The following GPHN variants were observed in gnomAD, a reference collection of about 807,000 sequenced individuals.
GPHN encodes gephyrin.
In GPHN, 17 loss-of-function variants were observed where a neutral mutation model predicts 95.5. That is an observed-to-expected ratio of 0.18 (90% CI 0.12 to 0.27). GPHN has a LOEUF of 0.27. GPHN is among the 10% of genes least tolerant of loss of function. The pLI is 1.00. For missense variants in GPHN, 660 were observed against 978.1 expected, an observed-to-expected ratio of 0.67 and a Z score of 4.34; for synonymous variants, 320 against 322.5, an observed-to-expected ratio of 0.99 and a Z score of 0.08.
intron 1 of GPHN, among the ~76,000 whole-genome samples, chr14:66,611,404 A>C (rs1270755204): frequency 4.6e-5 from 7 of 152,146 alleles, no homozygotes; most frequent in Non-Finnish European, 1.0e-4. Flanking sequence ...TTTTAAGAGC[A>C]TTTCTGTAGA....
chr14:66,537,632 C>T (rs1173793769), intron 1 of GPHN, among the ~76,000 whole-genome samples: 1 of 152,024 alleles, frequency 6.6e-6, no homozygotes, highest in Admixed American at 6.6e-5. Flanking sequence ...CATGTGTACC[C>T]TTTCTAATGC....
At chr14:66,793,877 T>A (rs568394028) in intron 3 of GPHN, among the ~76,000 whole-genome samples, 11 of 152,182 alleles carry the variant, frequency 7.2e-5, no homozygotes, top group Admixed American at 2.0e-4. Flanking sequence ...AAGGAACTAA[T>A]AAGAGACATA....
chr14:67,693,095 G>C, the GPHN span: 1 of 1,388,558 alleles, frequency 7.2e-7, no homozygotes, highest in Non-Finnish European at 1.0e-6. Flanking sequence ...TCATTCTACT[G>C]TCTCAGCCAG....
At chr14:67,528,795 G>GA in the GPHN span, among the ~76,000 whole-genome samples, 1 of 152,254 alleles carries the variant, frequency 6.6e-6, no homozygotes, top group East Asian at 1.9e-4. Flanking sequence ...TGCTCTCTGA[G>GA]AAAAATCACT....
chr14:67,709,854 G>A, the GPHN span, among the ~76,000 whole-genome samples: 1 of 152,030 alleles, frequency 6.6e-6, no homozygotes, highest in African/African-American at 2.4e-5. Context: ...GAAATATCTT[G>A]GGCCCCCAAA....
chr14:67,543,322 A>T, the GPHN span, among the ~76,000 whole-genome samples: 1 of 152,308 alleles, frequency 6.6e-6, no homozygotes, highest in Admixed American at 6.5e-5. Context: ...ACTAGTCTGG[A>T]CTAGAACTCT....
intron 1 of GPHN, among the ~76,000 whole-genome samples, chr14:66,591,337 A>G (rs1407500169): frequency 6.6e-6 from 1 of 152,220 alleles, no homozygotes; most frequent in Non-Finnish European, 1.5e-5. Context: ...AATAAAGGGT[A>G]TTCAAATAGG....
At chr14:67,161,932 A>C (rs2082003966) in intron 19 of GPHN, among the ~76,000 whole-genome samples, 3 of 152,302 alleles carry the variant, frequency 2.0e-5, no homozygotes, top group South Asian at 2.1e-4. Context: ...CAACTTTAGC[A>C]GTTCATCAAT....
In GPHN at chr14:67,110,976, G is replaced by C. The variant is rs1174051242; in HGVS notation, c.1413+717G>C. ...AGAGTATAAGCCAGTAATAAAAGTA[G>C]AATAGATTCAACTGAGGTTTTAATA... On this transcript the variant is annotated intron_variant, in intron 14 of 22. Transcript: ENST00000478722. Among the ~76,000 whole-genome samples, 13 of 152,290 alleles carry C rather than the reference G, an allele frequency of 8.5e-5. No individual in the cohort carries two copies. In the East Asian group the frequency reaches 2.3e-3, roughly 27 times the overall value.
the GPHN span, among the ~76,000 whole-genome samples, chr14:67,600,784 G>T: frequency 9.2e-5 from 14 of 152,276 alleles, no homozygotes; most frequent in East Asian, 2.7e-3. Context: ...TCACCATGTT[G>T]GCCAGGTTGG....
At chr14:66,596,596 T>C (rs2061982765) in intron 1 of GPHN, among the ~76,000 whole-genome samples, 1 of 152,188 alleles carries the variant, frequency 6.6e-6, no homozygotes, top group Non-Finnish European at 1.5e-5. Flanking sequence ...CCTGGCTGAT[T>C]CATGACAGTG....
the GPHN span, among the ~76,000 whole-genome samples, chr14:67,699,608 A>AAAAAG: frequency 1.3e-5 from 2 of 149,936 alleles, no homozygotes; most frequent in African/African-American, 2.4e-5. Flanking sequence ...AAAAAAAAAA[A>AAAAAG]AAAAGAAACA....
At chr14:67,333,837 TGCTAATA>T in the GPHN span, 1 of 152,628 alleles carries the variant, frequency 6.6e-6, no homozygotes, top group Admixed American at 6.5e-5. Flanking sequence ...TTCCTCATGA[TGCTAATA>T]GTTTTTTGTA....
chr14:67,513,933 A>G, the GPHN span, among the ~76,000 whole-genome samples: 1 of 152,170 alleles, frequency 6.6e-6, no homozygotes, highest in Admixed American at 6.5e-5. Flanking sequence ...TTTGTTTTCT[A>G]GAGAGAAAGA....
chr14:67,195,638 G>T, the GPHN span, among the ~76,000 whole-genome samples: 4 of 151,708 alleles, frequency 2.6e-5, no homozygotes, highest in Non-Finnish European at 5.9e-5. Flanking sequence ...CCAATTATAA[G>T]ATATATTATT....
intron 10 of GPHN, among the ~76,000 whole-genome samples, chr14:67,040,618 C>G (rs975424286): frequency 3.3e-5 from 5 of 152,136 alleles, no homozygotes; most frequent in Admixed American, 3.3e-4. Context: ...TCTCTGTAGA[C>G]TCCTTTAATA....
chr14:67,462,858 G>C, the GPHN span, among the ~76,000 whole-genome samples: 3 of 152,170 alleles, frequency 2.0e-5, no homozygotes, highest in South Asian at 6.2e-4. Flanking sequence ...CCTTGGCCTG[G>C]GGAGAAGAGG....
intron 1 of GPHN, among the ~76,000 whole-genome samples, chr14:66,515,118 T>C (rs1174317114): frequency 6.6e-6 from 1 of 152,198 alleles, no homozygotes; most frequent in African/African-American, 2.4e-5. Context: ...TCCTTCCTCT[T>C]TGTATGTTGC....
the GPHN span, among the ~76,000 whole-genome samples, chr14:67,259,980 A>G: frequency 6.6e-6 from 1 of 152,122 alleles, no homozygotes; most frequent in African/African-American, 2.4e-5. Context: ...TTCTACCAGA[A>G]TTTATAGTTT....
Sources: gnomAD v4.1 joint callset for allele counts (sites outside exome capture counted in the v4.1 genomes callset) on GRCh38, gnomAD v4.1.1 for gene constraint, MANE v1.5 for transcripts, NCBI Gene and HGNC (gene_info 2026-07-23, HGNC 2026-07-21) for gene names.